Variants in GALNT7 observed in about 807,000 individuals in gnomAD.
GALNT7 encodes N-acetylgalactosaminyltransferase 7.
In GALNT7, 60 loss-of-function variants were observed where a neutral mutation model predicts 82.1. That is an observed-to-expected ratio of 0.73 (90% CI 0.59 to 0.91). The LOEUF (loss-of-function observed/expected upper bound fraction) is 0.91, where lower values mean the gene tolerates loss of function less well. Ranked by LOEUF, GALNT7 falls within the 40% of genes least tolerant of loss-of-function variation. The probability of loss-of-function intolerance (pLI) is 0.00; values close to 1 mark genes in which losing one functional copy is unlikely to be tolerated. For missense variants in GALNT7, 660 were observed against 804.2 expected, an observed-to-expected ratio of 0.82 and a Z score of 2.17; for synonymous variants, 243 against 275.1, an observed-to-expected ratio of 0.88 and a Z score of 1.15.
intron 2 of GALNT7, among the ~76,000 whole-genome samples, chr4:173,283,769 T>G (rs542416241): frequency 4.1e-4 from 62 of 152,274 alleles, no homozygotes; most frequent in Non-Finnish European, 8.7e-4. Context: ...CGAACTTGAC[T>G]CTTTAAAGGG....
At chr4:173,270,068 G>A (rs1178265257) in intron 2 of GALNT7, among the ~76,000 whole-genome samples, 1 of 152,208 alleles carries the variant, frequency 6.6e-6, no homozygotes, top group Non-Finnish European at 1.5e-5. Flanking sequence ...ATAATCAAGT[G>A]TACTTGGACC....
At chr4:173,180,311 A>C (rs1732203259) in intron 1 of GALNT7, among the ~76,000 whole-genome samples, 1 of 147,244 alleles carries the variant, frequency 6.8e-6, no homozygotes, top group South Asian at 2.1e-4. Context: ...AATATATTTC[A>C]TCATATTGGA....
Position 173,251,609 on chromosome 4 carries a change from C to T in GALNT7, c.587+3169C>T, listed in dbSNP as rs559283572. ...TCAGACACACTGATTTCCATGGGAA[C>T]CTCGCATCTCTGAGTCCTCCTTGCA... On this transcript the variant is annotated intron_variant, in intron 2 of 11. Transcript: ENST00000265000. Among the ~76,000 whole-genome samples, 5 of 152,284 alleles carry T rather than the reference C, an allele frequency of 3.3e-5. No individual in the cohort carries two copies. In the East Asian group the frequency reaches 9.6e-4, roughly 29 times the overall value.
At chr4:173,268,729 T>C (rs1735606449) in intron 2 of GALNT7, among the ~76,000 whole-genome samples, 1 of 149,866 alleles carries the variant, frequency 6.7e-6, no homozygotes, top group African/African-American at 2.5e-5. Context: ...TTAGTAGAGA[T>C]GGGGTTTCAC....
intron 6 of GALNT7, among the ~76,000 whole-genome samples, chr4:173,300,920 G>A (rs1736898809): frequency 6.6e-6 from 1 of 152,090 alleles, no homozygotes; most frequent in African/African-American, 2.4e-5. Context: ...GAACTTTTGA[G>A]CCCAGGAGTT....
intron 8 of GALNT7, among the ~76,000 whole-genome samples, chr4:173,312,097 C>T (rs925011717): frequency 6.6e-6 from 1 of 152,166 alleles, no homozygotes; most frequent in African/African-American, 2.4e-5. Flanking sequence ...ATAGTTGCCA[C>T]AGAGACTGTA....
chr4:173,175,729 G>T (rs571429684), intron 1 of GALNT7, among the ~76,000 whole-genome samples: 23 of 152,310 alleles, frequency 1.5e-4, no homozygotes, highest in African/African-American at 5.3e-4. Flanking sequence ...TGGGTTTGTT[G>T]CAGGGTGTAA....
chr4:173,219,350 G>A (rs1733566859), intron 1 of GALNT7, among the ~76,000 whole-genome samples: 1 of 151,964 alleles, frequency 6.6e-6, no homozygotes, highest in Non-Finnish European at 1.5e-5. Flanking sequence ...GTGTGTGTGT[G>A]TATACATACA....
intron 2 of GALNT7, among the ~76,000 whole-genome samples, chr4:173,277,961 G>T (rs997410121): frequency 3.9e-5 from 6 of 152,126 alleles, no homozygotes; most frequent in African/African-American, 1.4e-4. Context: ...AGTTTGAGAG[G>T]AAGTACTGTC....
At chr4:173,189,936 G>A (rs1237880676) in intron 1 of GALNT7, among the ~76,000 whole-genome samples, 2 of 151,468 alleles carry the variant, frequency 1.3e-5, no homozygotes, top group Non-Finnish European at 2.9e-5. Flanking sequence ...GTAAATATTT[G>A]AAGTTTATGT....
chr4:173,280,272 G>GTTACGT (rs1736064796), intron 2 of GALNT7, among the ~76,000 whole-genome samples: 1 of 152,166 alleles, frequency 6.6e-6, no homozygotes. Context: ...GCCTCAAAAT[G>GTTACGT]TTACGTTTTT....
rs1356949949 is a variant in GALNT7, at chr4:173,320,980, A to G, written c.1837-600A>G. 6.6e-6 allele frequency among the ~76,000 whole-genome samples: 1 copy of G among 152,166 alleles called. No individual in the cohort carries two copies. Among genetic ancestry groups the G allele is most frequent in the Non-Finnish European group, 1.5e-5 (1 of 68,006 alleles). On this transcript the variant is annotated intron_variant, in intron 11 of 11. Transcript: ENST00000265000. The surrounding 1 kb of genome is among the most constrained non-coding windows in gnomAD (Gnocchi z 4.1). ...TTTTACTCACCATTGCTTTTGCACT[A>G]TCGGTATAAATGTTGCTAAAGTGAA...
At chr4:173,307,624 G>A (rs1048785832) in intron 8 of GALNT7, among the ~76,000 whole-genome samples, 19 of 152,202 alleles carry the variant, frequency 1.2e-4, no homozygotes, top group African/African-American at 4.6e-4. Context: ...GAGTTGGGGT[G>A]GGTTCTAGCT....
At chr4:173,196,127 A>T (rs938985686) in intron 1 of GALNT7, among the ~76,000 whole-genome samples, 9 of 146,056 alleles carry the variant, frequency 6.2e-5, no homozygotes, top group Middle Eastern at 3.5e-3. Flanking sequence ...TTAAGTTGGA[A>T]TTTTTTTTTT....
chr4:173,261,417 A>G (rs1274097415), intron 2 of GALNT7, among the ~76,000 whole-genome samples: 1 of 152,096 alleles, frequency 6.6e-6, no homozygotes, highest in African/African-American at 2.4e-5. Flanking sequence ...CAGCATTAAA[A>G]CAAAACAAGG....
intron 3 of GALNT7, among the ~76,000 whole-genome samples, chr4:173,295,053 A>G (rs58185783): frequency 0.088 from 13,379 of 152,192 alleles, 1,175 homozygotes; most frequent in African/African-American, 0.22. Flanking sequence ...GCTTCTGTCA[A>G]CAGCAAACAA....
At chr4:173,261,062 T>G (rs1735238467) in intron 2 of GALNT7, among the ~76,000 whole-genome samples, 2 of 152,260 alleles carry the variant, frequency 1.3e-5, no homozygotes, top group African/African-American at 4.8e-5. Flanking sequence ...GTCCTGCATC[T>G]GTATAATTGT....
intron 1 of GALNT7, among the ~76,000 whole-genome samples, chr4:173,184,407 A>G (rs903697843): frequency 2.6e-5 from 4 of 151,978 alleles, no homozygotes; most frequent in South Asian, 4.2e-4. Context: ...GACCAGCCCG[A>G]CCAACACGGC....
At chr4:173,251,256 T>C (rs553282914) in intron 2 of GALNT7, among the ~76,000 whole-genome samples, 1 of 152,342 alleles carries the variant, frequency 6.6e-6, no homozygotes, top group East Asian at 1.9e-4. Flanking sequence ...ACTTGTCCTC[T>C]CTAACCCTCA....
Sources: gnomAD v4.1 joint callset for allele counts (sites outside exome capture counted in the v4.1 genomes callset) on GRCh38, gnomAD v4.1.1 for gene constraint, Gnocchi (gnomAD v3.1) non-coding constraint, MANE v1.5 for transcripts, NCBI Gene and HGNC (gene_info 2026-07-23, HGNC 2026-07-21) for gene names.